ANKFN1: variants seen among roughly 807,000 people sequenced by gnomAD.
ANKFN1 encodes ankyrin repeat and fibronectin type III domain containing 1.
A neutral mutation model predicts 108.7 loss-of-function variants in ANKFN1; 74 were observed. That is an observed-to-expected ratio of 0.68 (90% confidence interval 0.56 to 0.83). The LOEUF (loss-of-function observed/expected upper bound fraction) is 0.83. ANKFN1 is among the 40% of genes least tolerant of loss of function. The pLI is 0.00. For missense variants in ANKFN1, 1,505 were observed against 1,382.3 expected, an observed-to-expected ratio of 1.09 and a Z score of -1.41; for synonymous variants, 547 against 516.2, an observed-to-expected ratio of 1.06 and a Z score of -0.81.
At chr17:56,449,937 G>C (rs987730034) in intron 11 of ANKFN1, among the ~76,000 whole-genome samples, 10 of 152,150 alleles carry the variant, frequency 6.6e-5, no homozygotes, top group Admixed American at 5.2e-4. Context: ...CTCTGAGAAG[G>C]CTTTAAAAGC....
At chr17:56,171,948 T>A (rs1472127072) in intron 1 of ANKFN1, among the ~76,000 whole-genome samples, 1 of 152,178 alleles carries the variant, frequency 6.6e-6, no homozygotes, top group African/African-American at 2.4e-5. Flanking sequence ...GATCAAGATC[T>A]TCTAGAACTT....
At chr17:56,246,541 AT>A (rs929426628) in intron 3 of ANKFN1, among the ~76,000 whole-genome samples, 2 of 151,800 alleles carry the variant, frequency 1.3e-5, no homozygotes, top group African/African-American at 4.8e-5. Flanking sequence ...TCCTTGTGCA[AT>A]TTTTTTTCCC....
chr17:56,244,684 C>T (rs1036134831), intron 3 of ANKFN1, among the ~76,000 whole-genome samples: 2 of 152,138 alleles, frequency 1.3e-5, no homozygotes, highest in Non-Finnish European at 2.9e-5. Context: ...TGGTTCCAGA[C>T]AACCTCAGCA....
At chr17:56,467,160 G>A (rs978432644) in intron 15 of ANKFN1, among the ~76,000 whole-genome samples, 1 of 152,012 alleles carries the variant, frequency 6.6e-6, no homozygotes, top group Non-Finnish European at 1.5e-5. Flanking sequence ...TTGAGTAGGG[G>A]ATAGGGAATC....
chr17:56,421,070 CA>C (rs2048392408), intron 8 of ANKFN1, among the ~76,000 whole-genome samples: 1 of 152,116 alleles, frequency 6.6e-6, no homozygotes, highest in Non-Finnish European at 1.5e-5. Context: ...AATTAAAATA[CA>C]AAAATGAAAA....
At chr17:56,417,899 G>T (rs2048288108) in intron 8 of ANKFN1, among the ~76,000 whole-genome samples, 1 of 152,150 alleles carries the variant, frequency 6.6e-6, no homozygotes, top group Admixed American at 6.5e-5. Context: ...AGATAGTTTT[G>T]TTCACACAGG....
intron 2 of ANKFN1, among the ~76,000 whole-genome samples, chr17:56,226,626 C>A (rs970150873): frequency 6.6e-6 from 1 of 152,142 alleles, no homozygotes; most frequent in African/African-American, 2.4e-5. Flanking sequence ...CCATAGCTAC[C>A]TTCCCAGCTC....
chr17:56,072,106 T>G (rs16956629), intron 4 of ANKFN1, among the ~76,000 whole-genome samples: 1,563 of 152,346 alleles, frequency 0.01, 32 homozygotes, highest in African/African-American at 0.036. Flanking sequence ...TTTGAGGCTA[T>G]TGGGATAAAT....
chr17:56,500,626 G>T (rs2051339052), intron 20 of ANKFN1, among the ~76,000 whole-genome samples: 1 of 152,200 alleles, frequency 6.6e-6, no homozygotes, highest in South Asian at 2.1e-4. Flanking sequence ...TGAAGGATAA[G>T]CAGGAGTTGA....
chr17:56,080,691 A>T (rs894202455), intron 4 of ANKFN1, among the ~76,000 whole-genome samples: 3 of 152,252 alleles, frequency 2.0e-5, no homozygotes, highest in Non-Finnish European at 2.9e-5. Context: ...GAGCTTAAGT[A>T]AATTTTCGAG....
intron 1 of ANKFN1, among the ~76,000 whole-genome samples, chr17:56,170,775 TATATATA>T (rs1304002223): frequency 8.0e-5 from 4 of 50,292 alleles, no homozygotes; most frequent in East Asian, 5.0e-4. Context: ...AAAAATTTTT[TATATATA>T]TATATATATA....
chr17:56,327,143 G>C (rs2045539724), intron 4 of ANKFN1, among the ~76,000 whole-genome samples: 1 of 152,050 alleles, frequency 6.6e-6, no homozygotes, highest in South Asian at 2.1e-4. Context: ...TTCTGTACTG[G>C]GCTCCAAAAA....
At chr17:56,350,706 C>T (rs2215756) in intron 4 of ANKFN1, 60 bp from the exon 5 acceptor site, 784,539 of 1,472,636 alleles carry the variant, frequency 0.53, 210,724 homozygotes, top group East Asian at 0.57. Context: ...ATGATAAAAT[C>T]ATATGTCAAC....
At chr17:56,257,726 C>T (rs745475027) in intron 3 of ANKFN1, among the ~76,000 whole-genome samples, 4 of 152,044 alleles carry the variant, frequency 2.6e-5, no homozygotes, top group South Asian at 2.1e-4. Context: ...TTGGACAATT[C>T]GAGAAATTAT....
At chr17:56,267,835 C>T (rs2043692521) in intron 3 of ANKFN1, among the ~76,000 whole-genome samples, 1 of 152,114 alleles carries the variant, frequency 6.6e-6, no homozygotes, top group African/African-American at 2.4e-5. Context: ...TGTGATGCCT[C>T]TGGCTTTGTT....
chr17:56,279,890 A>C (rs1436637946), intron 3 of ANKFN1, among the ~76,000 whole-genome samples: 1 of 152,230 alleles, frequency 6.6e-6, no homozygotes, highest in Non-Finnish European at 1.5e-5. Flanking sequence ...AGTGGTTCCC[A>C]AAGTTTGCTG....
At chr17:56,448,772 G>C (rs992210340) in intron 10 of ANKFN1, among the ~76,000 whole-genome samples, 1 of 152,164 alleles carries the variant, frequency 6.6e-6, no homozygotes, top group Non-Finnish European at 1.5e-5. Flanking sequence ...GGCTAAAAGG[G>C]GAGAAGGGGT....
At chr17:56,254,631 G>T (rs1222025327) in intron 3 of ANKFN1, among the ~76,000 whole-genome samples, 1 of 152,156 alleles carries the variant, frequency 6.6e-6, no homozygotes, top group Admixed American at 6.5e-5. Context: ...TTATAGCAGA[G>T]ATTCTCAACC....
intron 8 of ANKFN1, among the ~76,000 whole-genome samples, chr17:56,396,446 TG>T (rs1567970570): frequency 2.0e-5 from 3 of 151,186 alleles, no homozygotes; most frequent in South Asian, 2.1e-4. Context: ...AGACTTCGTC[TG>T]CAAAAAAAAA....
Sources: gnomAD v4.1 joint callset for allele counts (sites outside exome capture counted in the v4.1 genomes callset) on GRCh38, gnomAD v4.1.1 for gene constraint, MANE v1.5 for transcripts, NCBI Gene and HGNC (gene_info 2026-07-23, HGNC 2026-07-21) for gene names.